Variants in TMEM192 observed in about 807,000 individuals in gnomAD.
The protein encoded by TMEM192 is transmembrane protein 192.
Under a neutral mutation model 26.7 loss-of-function variants are expected in TMEM192, and 20 were observed. That is an observed-to-expected ratio of 0.75 (90% CI 0.53 to 1.09). The LOEUF is 1.09. Among genes scored for constraint, TMEM192 ranks in the 50% least tolerant of loss-of-function variants. TMEM192 has a pLI of 0.00. For missense variants in TMEM192, 304 were observed against 322.6 expected (o/e 0.94, Z 0.44); for synonymous variants, 124 against 121.0 (o/e 1.02, Z -0.16).
rs1238468577 is a variant in TMEM192 at position 165,074,426 on chromosome 4, T to C, written c.*5232A>G. The C allele has an allele frequency of 6.6e-6, 1 of 152,134 alleles. No individual in the cohort carries two copies. The highest frequency in any genetic ancestry group is 1.5e-5 in the Non-Finnish European group (1 of 68,032). 9.4% of individuals were successfully genotyped at this position (152,134 alleles called of 1,614,324 possible). A position where few individuals can be genotyped will look rare whatever the true frequency, so the allele number is the denominator to read the frequency against. On this transcript the variant is annotated 3_prime_UTR_variant, in exon 6 of 6. Coordinates refer to ENST00000306480, the MANE Select transcript of TMEM192 (RefSeq NM_001100389.2). ...ACTCAAGAGTTTACCAGATGTGAGT[T>C]TTGTATTCAAGATTTATTTATTTAT...
At chr4:165,089,752 G>C (rs1734710553) in intron 3 of TMEM192, among the ~76,000 whole-genome samples, 1 of 152,170 alleles carries the variant, frequency 6.6e-6, no homozygotes, top group Non-Finnish European at 1.5e-5. Context: ...AGAAACAGGA[G>C]GGCCGGAAGG....
chr4:165,092,520 A>G (rs1023918757), intron 3 of TMEM192, among the ~76,000 whole-genome samples: 2 of 152,082 alleles, frequency 1.3e-5, no homozygotes, highest in African/African-American at 2.4e-5. Flanking sequence ...TGCACCCCCT[A>G]CCACACACTC....
chr4:165,097,585 T>TG (rs747707097), intron 3 of TMEM192, among the ~76,000 whole-genome samples: 10,236 of 140,244 alleles, frequency 0.073, 526 homozygotes, highest in Non-Finnish European at 0.11. Context: ...TTTTTTTTTT[T>TG]GGAGAAAAAA....
rs1247507821 is a variant in TMEM192 at position 165,071,523 on chromosome 4, C to T, written c.*8135G>A. On this transcript the variant is annotated 3_prime_UTR_variant, in exon 6 of 6. Transcript: ENST00000306480. ...GCCAGGCCGGTCTCCCAACTCCTGA[C>T]CTCAAGTGATCCACCCACCTCAGCC... The T allele has an allele frequency of 6.6e-6, 1 of 152,280 alleles. No individual in the cohort carries two copies. Among genetic ancestry groups the T allele is most frequent in the Non-Finnish European group, 1.5e-5 (1 of 68,176 alleles). 9.4% of individuals were successfully genotyped at this position (152,280 alleles called of 1,614,324 possible).
chr4:165,073,303 G>A lies in TMEM192; in HGVS notation c.*6355C>T, dbSNP rs1734309196. 1 of 152,366 alleles carries A rather than the reference G, an allele frequency of 6.6e-6. No homozygotes were observed. The highest frequency in any genetic ancestry group is 1.5e-5 in the Non-Finnish European group (1 of 68,134). The allele number at this position is 152,366 out of a possible 1,614,324, so 9.4% of individuals were successfully genotyped here. A position where few individuals can be genotyped will look rare whatever the true frequency, so the allele number is the denominator to read the frequency against. On this transcript the variant is annotated 3_prime_UTR_variant, in exon 6 of 6. Transcript: ENST00000306480. ...CAGAAACATGTGCTGTATTGGATCA[G>A]TTTAATGGATTTAGGGCTGTGCAGG...
At chr4:165,112,637 C>T in intron 1 of TMEM192, 110 bp downstream of exon 1, 4 of 1,492,362 alleles carry the variant, frequency 2.7e-6, no homozygotes, top group Non-Finnish European at 3.6e-6. Context: ...CCTTCGGCCG[C>T]GGCCGCAGTC....
intron 5 of TMEM192, among the ~76,000 whole-genome samples, chr4:165,080,852 T>C (rs773272394): frequency 6.6e-6 from 1 of 151,820 alleles, no homozygotes; most frequent in Non-Finnish European, 1.5e-5. Flanking sequence ...GTAGCTGAGA[T>C]TACAGGCGCC....
intron 2 of TMEM192, 100 bp from the exon 3 acceptor site, chr4:165,100,992 T>TC (rs35478666): frequency 2.6e-6 from 3 of 1,162,158 alleles, no homozygotes; most frequent in African/African-American, 1.6e-5. Context: ...TTTTTTTTTT[T>TC]CTGAGACAGA....
chr4:165,109,036 A>G (rs1735235320), intron 1 of TMEM192, among the ~76,000 whole-genome samples: 3 of 152,220 alleles, frequency 2.0e-5, no homozygotes, highest in African/African-American at 4.8e-5. Flanking sequence ...AAAGTGTTGT[A>G]TCATACGTTA....
chr4:165,080,114 G>A (rs921689184), intron 5 of TMEM192, among the ~76,000 whole-genome samples: 53 of 152,016 alleles, frequency 3.5e-4, no homozygotes, highest in African/African-American at 1.1e-3. Context: ...CTTAAATGGC[G>A]TTTAAAGATA....
intron 3 of TMEM192, among the ~76,000 whole-genome samples, chr4:165,099,648 A>T (rs1734992794): frequency 6.6e-6 from 1 of 152,134 alleles, no homozygotes; most frequent in Non-Finnish European, 1.5e-5. Context: ...ACTGAGCTTC[A>T]TTTTTAAAAA....
In TMEM192 at chr4:165,103,046, G is replaced by T; in HGVS notation, c.78C>A (p.Ala26=). 1 of 1,613,220 alleles carries T rather than the reference G, an allele frequency of 6.2e-7. No individual in the cohort carries two copies. Among genetic ancestry groups the T allele is most frequent in the Non-Finnish European group, 8.5e-7 (1 of 1,179,640 alleles). The part of the protein sequence containing the change: ...QSIEDDPLLD[A]QLLPHHSLQA... ...GTAATGAGTGGTGTGGGAGAAGCTG[G>T]GCATCCAGAAGTGGGTCGTCTTCAA... Residue 26 remains alanine (A), a synonymous_variant, in exon 2 of 6, where the codon GCC becomes GCA. Coordinates refer to ENST00000306480, the MANE Select transcript of TMEM192 (RefSeq NM_001100389.2).
intron 1 of TMEM192, among the ~76,000 whole-genome samples, chr4:165,105,978 TGCA>T (rs1735150851): frequency 6.6e-6 from 1 of 152,168 alleles, no homozygotes. Flanking sequence ...TGCGTGAGGA[TGCA>T]GCAAGAAGGC....
rs1282349543 is a variant in TMEM192 at position 165,078,149 on chromosome 4, A to G, written c.*1509T>C. ...TAAAAGAAACAGGTATTTGCCCTCC[A>G]TAAGTCAAATAGATGTGGCCAAATC... On this transcript the variant is annotated 3_prime_UTR_variant, in exon 6 of 6. Transcript: ENST00000306480. 1 of 152,194 alleles carries G rather than the reference A, an allele frequency of 6.6e-6. No individual in the cohort carries two copies. The highest frequency in any genetic ancestry group is 1.5e-5 in the Non-Finnish European group (1 of 68,036). 9.4% of individuals were successfully genotyped at this position (152,194 alleles called of 1,614,324 possible).
At chr4:165,094,669 GA>G (rs1237845777) in intron 3 of TMEM192, among the ~76,000 whole-genome samples, 1 of 149,282 alleles carries the variant, frequency 6.7e-6, no homozygotes, top group African/African-American at 2.5e-5. Context: ...AAAAAAAAAA[GA>G]AAAGGAAAAA....
In TMEM192 at chr4:165,074,632, A is replaced by G. The variant is rs1734334464; in HGVS notation, c.*5026T>C. The G allele has an allele frequency of 6.6e-6, 1 of 151,950 alleles. No homozygotes were observed. The highest frequency in any genetic ancestry group is 1.5e-5 in the Non-Finnish European group (1 of 68,022). 9.4% of individuals were successfully genotyped at this position (151,950 alleles called of 1,614,324 possible). On this transcript the variant is annotated 3_prime_UTR_variant, in exon 6 of 6. Transcript: ENST00000306480. ...TGGCTATTTTGTATTTTTAGTAGAG[A>G]CGGGGTTTCTCCATGTTGGTCAGGC...
At position 165,100,908 on chromosome 4, in the gene TMEM192, G is replaced by T; in HGVS notation, c.175-16C>A. On this transcript the variant is annotated splice_polypyrimidine_tract_variant and intron_variant, in intron 2 of 5. Transcript: ENST00000306480. ...CAAACACGAGCTGGGGGAAAGGAGA[G>T]CAGAAAGATTAATATTCAATATTTG... The T allele has an allele frequency of 6.3e-7, 1 of 1,593,506 alleles. No individual in the cohort carries two copies.
At chr4:165,097,538 G>A (rs1181274528) in intron 3 of TMEM192, among the ~76,000 whole-genome samples, 2 of 131,856 alleles carry the variant, frequency 1.5e-5, no homozygotes, top group Non-Finnish European at 3.2e-5. Flanking sequence ...TAACAGAACA[G>A]AAGAAAAATA....
rs757680935 is a variant in TMEM192, at chr4:165,079,650, T to G, written c.*8A>C. On this transcript the variant is annotated 3_prime_UTR_variant, in exon 6 of 6. Transcript: ENST00000306480. ...TCCTCTGCAATTGCTGTCATGACCGTGAGCCTCTCACGTTCTACTTGGCTG... is the reference window on the plus strand; with the variant it reads ...TCCTCTGCAATTGCTGTCATGACCGGGAGCCTCTCACGTTCTACTTGGCTG... 3.7e-6 allele frequency: 6 copies of G among 1,606,122 alleles called. No individual in the cohort carries two copies. The highest frequency in any genetic ancestry group is 5.1e-6 in the Non-Finnish European group (6 of 1,175,652).
Sources: gnomAD v4.1 joint callset for allele counts (sites outside exome capture counted in the v4.1 genomes callset) on GRCh38, gnomAD v4.1.1 for gene constraint, MANE v1.5 for transcripts, NCBI Gene and HGNC (gene_info 2026-07-23, HGNC 2026-07-21) for gene names.